The following CADM2 variants were observed in gnomAD, a reference collection of about 807,000 sequenced individuals.
CADM2 encodes cell adhesion molecule 2.
Under a neutral mutation model 49.8 loss-of-function variants are expected in CADM2, and 12 were observed. The observed-to-expected ratio is 0.24, with a 90% CI of 0.15 to 0.39. The LOEUF (loss-of-function observed/expected upper bound fraction) is 0.39. Among genes scored for constraint, CADM2 ranks in the 10% least tolerant of loss-of-function variants. CADM2 has a pLI of 1.00. For synonymous variants in CADM2, 214 were observed against 175.4 expected (o/e 1.22, Z -1.74); for missense variants, 378 against 492.3 (o/e 0.77, Z 2.20).
At chr3:85,196,096 T>A (rs1183111514) in intron 1 of CADM2, among the ~76,000 whole-genome samples, 2 of 152,048 alleles carry the variant, frequency 1.3e-5, no homozygotes, top group Non-Finnish European at 1.5e-5. Flanking sequence ...GTTTACTTAG[T>A]ATTAGTGATT....
At chr3:85,693,108 G>A (rs2066436221) in intron 1 of CADM2, among the ~76,000 whole-genome samples, 2 of 152,036 alleles carry the variant, frequency 1.3e-5, no homozygotes, top group South Asian at 2.1e-4. Context: ...AATTAGCCGG[G>A]CGTGGTGGCA....
Position 85,971,763 on chromosome 3 carries a change from A to G in CADM2, c.970+10116A>G, listed in dbSNP as rs1726173198. On this transcript the variant is annotated intron_variant, in intron 8 of 9. Coordinates refer to ENST00000383699, the MANE Select transcript of CADM2 (RefSeq NM_001167675.2). Reference sequence around the variant, plus strand: ...TTCACTTTACTTTTGTCAGTTTGGAATGTAAAAAAGTATTATAAAAGAAAA... The same window carrying G: ...TTCACTTTACTTTTGTCAGTTTGGAGTGTAAAAAAGTATTATAAAAGAAAA... 2.0e-5 allele frequency among the ~76,000 whole-genome samples: 3 copies of G among 151,760 alleles called. No individual in the cohort carries two copies. The South Asian group carries it at 6.2e-4, about 31-fold the overall frequency.
At chr3:85,573,561 A>G (rs1381312501) in intron 1 of CADM2, among the ~76,000 whole-genome samples, 1 of 152,178 alleles carries the variant, frequency 6.6e-6, no homozygotes, top group African/African-American at 2.4e-5. Flanking sequence ...TCAGTGTAAC[A>G]TTGTAAAAGG....
At chr3:85,576,307 T>G (rs1402667526) in intron 1 of CADM2, among the ~76,000 whole-genome samples, 1 of 152,180 alleles carries the variant, frequency 6.6e-6, no homozygotes, top group African/African-American at 2.4e-5. Flanking sequence ...TGCGGACATA[T>G]GGTCCTCAAA....
intron 1 of CADM2, among the ~76,000 whole-genome samples, chr3:85,365,287 A>G (rs2032687096): frequency 6.7e-6 from 1 of 149,248 alleles, no homozygotes. Context: ...AATCAGCTGT[A>G]ATGGAAGAGG....
chr3:85,150,739 A>C (rs1418410373), intron 1 of CADM2, among the ~76,000 whole-genome samples: 1 of 139,724 alleles, frequency 7.2e-6, no homozygotes, highest in Non-Finnish European at 1.6e-5. Context: ...CGTCTCTACT[A>C]AAAAAAAAAG....
At chr3:85,948,714 A>AAAC (rs1723039470) in intron 7 of CADM2, among the ~76,000 whole-genome samples, 1 of 151,006 alleles carries the variant, frequency 6.6e-6, no homozygotes, top group African/African-American at 2.4e-5. Flanking sequence ...AAGCTAAATA[A>AAAC]AATAATAAAA....
intron 1 of CADM2, among the ~76,000 whole-genome samples, chr3:85,632,965 T>G (rs1233056871): frequency 1.3e-5 from 2 of 152,114 alleles, no homozygotes; most frequent in Non-Finnish European, 2.9e-5. Flanking sequence ...GTATTATTTT[T>G]ATTAAAAGTT....
At chr3:85,488,970 A>G (rs1252714684) in intron 1 of CADM2, among the ~76,000 whole-genome samples, 2 of 152,090 alleles carry the variant, frequency 1.3e-5, no homozygotes, top group Non-Finnish European at 2.9e-5. Flanking sequence ...ATGCATCACT[A>G]CTAAAATTAT....
At chr3:85,267,089 T>C (rs1370494735) in intron 1 of CADM2, among the ~76,000 whole-genome samples, 1 of 151,864 alleles carries the variant, frequency 6.6e-6, no homozygotes, top group African/African-American at 2.4e-5. Context: ...AAATTGCAAA[T>C]GTATATCTTC....
chr3:85,107,609 T>TTTTCTTTC (rs753118590), intron 1 of CADM2, among the ~76,000 whole-genome samples: 5 of 148,114 alleles, frequency 3.4e-5, no homozygotes, highest in African/African-American at 1.2e-4. Flanking sequence ...TTCTCTTTCT[T>TTTTCTTTC]TTTCTTTCTT....
At chr3:85,923,178 C>T (rs939079465) in intron 6 of CADM2, among the ~76,000 whole-genome samples, 1 of 152,088 alleles carries the variant, frequency 6.6e-6, no homozygotes. Flanking sequence ...CAACATGTTT[C>T]CATTTATGGA....
intron 1 of CADM2, among the ~76,000 whole-genome samples, chr3:85,361,026 A>G (rs1259819768): frequency 5.3e-5 from 8 of 151,704 alleles, no homozygotes; most frequent in Admixed American, 1.3e-4. Flanking sequence ...CATTTAGTCT[A>G]CTCTTTCTTG....
At chr3:85,295,108 A>T (rs576861444) in intron 1 of CADM2, among the ~76,000 whole-genome samples, 168 of 152,186 alleles carry the variant, frequency 1.1e-3, no homozygotes, top group Non-Finnish European at 2.2e-3. Flanking sequence ...AAAACAAACA[A>T]CCCCATCAAA....
chr3:85,706,776 G>GT (rs1427122535), intron 1 of CADM2, among the ~76,000 whole-genome samples: 5 of 151,954 alleles, frequency 3.3e-5, no homozygotes, highest in African/African-American at 1.2e-4. Flanking sequence ...CTTATTTCTT[G>GT]TTTTTTCCAT....
intron 8 of CADM2, among the ~76,000 whole-genome samples, chr3:86,010,388 G>T (rs548258874): frequency 6.6e-6 from 1 of 151,738 alleles, no homozygotes; most frequent in Admixed American, 6.6e-5. Context: ...ATCAGTAAAA[G>T]AAAATGTAAA....
At chr3:85,766,166 T>C (rs1053155839) in intron 2 of CADM2, among the ~76,000 whole-genome samples, 1 of 152,080 alleles carries the variant, frequency 6.6e-6, no homozygotes, top group Non-Finnish European at 1.5e-5. Flanking sequence ...ATTAATTGTG[T>C]CTATTTTACT....
chr3:85,912,738 T>C lies in CADM2; in HGVS notation c.700+195T>C, dbSNP rs557483687. On this transcript the variant is annotated intron_variant, in intron 6 of 9. Coordinates refer to ENST00000383699, the MANE Select transcript of CADM2 (RefSeq NM_001167675.2). The stretch of plus-strand genomic sequence containing the variant: ...CTTGTCTGAGTTTCATTCTTAACAA[T>C]GAGGAAAAATGAAGGAGATGTACGA... Among the ~76,000 whole-genome samples the C allele has an allele frequency of 2.1e-3, 324 of 152,228 alleles. 3 individuals carry two copies. Among genetic ancestry groups the C allele is most frequent in the African/African-American group, 7.6e-3 (316 of 41,526 alleles).
intron 2 of CADM2, among the ~76,000 whole-genome samples, chr3:85,778,895 A>G (rs1271396257): frequency 6.6e-6 from 1 of 152,134 alleles, no homozygotes. Flanking sequence ...CACTCTTCAT[A>G]CACTTTATCT....
Sources: allele counts gnomAD v4.1 joint callset (sites outside exome capture counted in the v4.1 genomes callset), GRCh38; gene constraint gnomAD v4.1.1; transcripts MANE v1.5; gene names NCBI Gene and HGNC (gene_info 2026-07-23, HGNC 2026-07-21).